The following OR1D2 variants were observed in gnomAD, a reference collection of about 807,000 sequenced individuals.
OR1D2 encodes olfactory receptor 1D2.
For missense variants in OR1D2, 357 were observed against 376.1 expected (o/e 0.95, Z 0.42); for synonymous variants, 157 against 153.9 (o/e 1.02, Z -0.15).
chr17:3,099,692 A>G (rs1430404072), intron 1 of OR1D2, among the ~76,000 whole-genome samples: 2 of 152,198 alleles, frequency 1.3e-5, no homozygotes, highest in Non-Finnish European at 2.9e-5. Context: ...TTAAATGTAA[A>G]TGGGCTAAAT....
In OR1D2 at chr17:3,090,344, G is replaced by C. The variant is rs1387908617; in HGVS notation, c.*1714C>G. 6.6e-6 allele frequency: 1 copy of C among 152,132 alleles called. No homozygotes were observed. The highest frequency in any genetic ancestry group is 1.5e-5 in the Non-Finnish European group (1 of 68,020). The allele number at this position is 152,132 out of a possible 1,614,324, so 9.4% of individuals were successfully genotyped here. A position where few individuals can be genotyped will look rare whatever the true frequency, so the allele number is the denominator to read the frequency against. On this transcript the variant is annotated 3_prime_UTR_variant, in exon 2 of 2. Transcript: ENST00000641833. ...TTGTTGAAATTTACATTTTATTTAT[G>C]TATTGATTTCCTGATTTTGTTTAGT... is the stretch of plus-strand genomic sequence containing the variant.
At chr17:3,094,354 A>G (rs373597501) in intron 1 of OR1D2, among the ~76,000 whole-genome samples, 5 of 152,274 alleles carry the variant, frequency 3.3e-5, no homozygotes, top group East Asian at 1.9e-4. Context: ...TAATGTGTAT[A>G]GAATAAAATG....
chr17:3,098,657 C>A (rs2047859429), intron 1 of OR1D2, among the ~76,000 whole-genome samples: 1 of 152,118 alleles, frequency 6.6e-6, no homozygotes, highest in Non-Finnish European at 1.5e-5. Flanking sequence ...AGCCAGGAAG[C>A]AGAACTGGAT....
At chr17:3,099,270 G>A (rs1042717979) in intron 1 of OR1D2, among the ~76,000 whole-genome samples, 4 of 152,140 alleles carry the variant, frequency 2.6e-5, no homozygotes, top group African/African-American at 9.7e-5. Flanking sequence ...GTTAAGGGCA[G>A]CCAGAGAGAA....
At position 3,092,258 on chromosome 17, in the gene OR1D2, C is replaced by A. The variant is rs374191808; in HGVS notation, c.739G>T (p.Ala247Ser). Residue 247 changes from alanine to serine, a missense_variant, in exon 2 of 2, where the codon GCA becomes TCA. Ala to Ser is a moderately conservative substitution (Grantham distance 99). Transcript: ENST00000641833. ...AFSTCASHLG[A>S]VSLFYGTLCM... ...AGTGTCCCATAGAAGAGGGAGACTG[C>A]ACCCAAATGGGAGGCACAGGTGGAG... 1.9e-6 allele frequency: 3 copies of A among 1,614,170 alleles called. No individual in the cohort carries two copies. Among genetic ancestry groups the A allele is most frequent in the Non-Finnish European group, 2.5e-6 (3 of 1,180,022 alleles).
intron 1 of OR1D2, among the ~76,000 whole-genome samples, chr17:3,102,266 G>A (rs1002619984): frequency 2.6e-5 from 4 of 152,120 alleles, no homozygotes; most frequent in Admixed American, 2.6e-4. Context: ...GGGGTGGGGT[G>A]AGGGTATATG....
intron 1 of OR1D2, among the ~76,000 whole-genome samples, chr17:3,094,922 G>C (rs2047836289): frequency 6.6e-6 from 1 of 151,946 alleles, no homozygotes; most frequent in African/African-American, 2.4e-5. Context: ...TATTGAACTA[G>C]CAGAAAAAAT....
At chr17:3,098,407 C>T (rs2047857501) in intron 1 of OR1D2, among the ~76,000 whole-genome samples, 1 of 152,112 alleles carries the variant, frequency 6.6e-6, no homozygotes, top group African/African-American at 2.4e-5. Context: ...AATGAGCCCC[C>T]AGGCCTACTA....
chr17:3,097,298 G>A (rs1415722832), intron 1 of OR1D2, among the ~76,000 whole-genome samples: 1 of 152,144 alleles, frequency 6.6e-6, no homozygotes, highest in Non-Finnish European at 1.5e-5. Flanking sequence ...AGACAAAGAT[G>A]CCCACTTTCA....
intron 1 of OR1D2, among the ~76,000 whole-genome samples, chr17:3,099,937 C>T (rs1333183709): frequency 3.9e-5 from 6 of 151,992 alleles, no homozygotes; most frequent in Non-Finnish European, 7.4e-5. Context: ...AAGGCAAGGG[C>T]ATTACATAAT....
chr17:3,101,021 C>T lies in OR1D2; in HGVS notation c.-51+3078G>A, dbSNP rs911313076. On this transcript the variant is annotated intron_variant, in intron 1 of 1. Transcript: ENST00000641833. ...CCAATAACAAGTTCTGAAATTGAGG[C>T]AGTAATTAATAGCCTACCAACCAAA... Among the ~76,000 whole-genome samples, 24 of 152,204 alleles carry T rather than the reference C, an allele frequency of 1.6e-4. 1 individual carries two copies. The highest frequency in any genetic ancestry group is 6.8e-3 in the Middle Eastern group (2 of 294).
chr17:3,102,398 C>G (rs556447538), intron 1 of OR1D2, among the ~76,000 whole-genome samples: 2 of 152,262 alleles, frequency 1.3e-5, no homozygotes, highest in East Asian at 3.9e-4. Context: ...TGGGTTCAAA[C>G]CCCAGCGTAA....
chr17:3,089,163 C>T lies in OR1D2; in HGVS notation c.*2895G>A, dbSNP rs892183458. 2.0e-5 allele frequency: 3 copies of T among 152,174 alleles called. No individual in the cohort carries two copies. The highest frequency in any genetic ancestry group is 7.2e-5 in the African/African-American group (3 of 41,432). 9.4% of individuals were successfully genotyped at this position (152,174 alleles called of 1,614,324 possible). ...GGGCTACTTATCAGATTGTTTTTGT[C>T]CATGGGATCCCCCCTTGATATGGGG... On this transcript the variant is annotated 3_prime_UTR_variant, in exon 2 of 2. Transcript: ENST00000641833.
intron 1 of OR1D2, among the ~76,000 whole-genome samples, chr17:3,095,291 G>C (rs1479383255): frequency 1.3e-5 from 2 of 151,994 alleles, no homozygotes; most frequent in Non-Finnish European, 2.9e-5. Flanking sequence ...TACAAAGGAA[G>C]CCTAATAATA....
Position 3,091,693 on chromosome 17 carries a change from C to A in OR1D2, c.*365G>T. The A allele has an allele frequency of 5.6e-6, 1 of 178,876 alleles. No homozygotes were observed. Among genetic ancestry groups the A allele is most frequent in the Non-Finnish European group, 1.2e-5 (1 of 83,162 alleles). 11.1% of individuals were successfully genotyped at this position (178,876 alleles called of 1,614,324 possible). A position where few individuals can be genotyped will look rare whatever the true frequency, so the allele number is the denominator to read the frequency against. Reference sequence around the variant, plus strand: ...CAAACCTCCACAGCCATGTGACTAACTTTCTTATCAGCTACTATTTACTTT... The same window carrying A: ...CAAACCTCCACAGCCATGTGACTAAATTTCTTATCAGCTACTATTTACTTT... On this transcript the variant is annotated 3_prime_UTR_variant, in exon 2 of 2. Transcript: ENST00000641833.
intron 1 of OR1D2, among the ~76,000 whole-genome samples, chr17:3,096,781 C>G (rs2151707719): frequency 6.6e-6 from 1 of 152,202 alleles, no homozygotes; most frequent in East Asian, 1.9e-4. Context: ...GAAAATTCAA[C>G]ACACCACTTT....
At chr17:3,103,818 G>A (rs2047884886) in intron 1 of OR1D2, among the ~76,000 whole-genome samples, 2 of 151,998 alleles carry the variant, frequency 1.3e-5, no homozygotes, top group Non-Finnish European at 2.9e-5. Flanking sequence ...CTTGAGTAGG[G>A]CCCACGACCT....
In OR1D2 at chr17:3,091,891, G is replaced by C. The variant is rs957363807; in HGVS notation, c.*167C>G. On this transcript the variant is annotated 3_prime_UTR_variant, in exon 2 of 2. Coordinates refer to ENST00000641833, the MANE Select transcript of OR1D2 (RefSeq NM_002548.3). Reference sequence around the variant, plus strand: ...TTACGGCCAAGGCTGATGAGACCTGGGGGACACCAGGTTACAAATATGTCT... The same window carrying C: ...TTACGGCCAAGGCTGATGAGACCTGCGGGACACCAGGTTACAAATATGTCT... 1.5e-5 allele frequency: 9 copies of C among 592,120 alleles called. No homozygotes were observed. The highest frequency in any genetic ancestry group is 2.7e-5 in the Non-Finnish European group (9 of 331,400). The allele number at this position is 592,120 out of a possible 1,614,324, so 36.7% of individuals were successfully genotyped here. A position where few individuals can be genotyped will look rare whatever the true frequency, so the allele number is the denominator to read the frequency against.
chr17:3,099,322 G>A (rs567417347), intron 1 of OR1D2, among the ~76,000 whole-genome samples: 1 of 152,280 alleles, frequency 6.6e-6, no homozygotes, highest in South Asian at 2.1e-4. Flanking sequence ...ACTAACAGTG[G>A]ATCTCTCTGC....
Sources: gnomAD v4.1 joint callset for allele counts (sites outside exome capture counted in the v4.1 genomes callset) on GRCh38, gnomAD v4.1.1 for gene constraint, MANE v1.5 for transcripts, NCBI Gene and HGNC (gene_info 2026-07-23, HGNC 2026-07-21) for gene names.